The following SDK1 variants were observed in gnomAD, a reference collection of about 807,000 sequenced individuals.
The protein encoded by SDK1 is sidekick cell adhesion molecule 1.
Under a neutral mutation model 245.5 loss-of-function variants are expected in SDK1, and 157 were observed. The ratio of observed to expected loss-of-function variants is 0.64; its 90% confidence interval spans 0.56 to 0.73. SDK1 has a LOEUF of 0.73. Ranked by LOEUF, SDK1 falls within the 30% of genes least tolerant of loss-of-function variation. The pLI, the probability that SDK1 is intolerant of heterozygous loss-of-function variation, is 0.00. For synonymous variants in SDK1, 1,647 were observed against 1,278.5 expected, an observed-to-expected ratio of 1.29 and a Z score of -6.15; for missense variants, 3,583 against 3,002.3, an observed-to-expected ratio of 1.19 and a Z score of -4.52.
chr7:3,423,206 A>G (rs972063066), intron 1 of SDK1, among the ~76,000 whole-genome samples: 4 of 152,236 alleles, frequency 2.6e-5, no homozygotes, highest in Non-Finnish European at 5.9e-5. Context: ...AATGATTACA[A>G]CAATTTACGT....
chr7:3,777,338 A>G (rs2059125701), intron 4 of SDK1, among the ~76,000 whole-genome samples: 1 of 152,190 alleles, frequency 6.6e-6, no homozygotes, highest in African/African-American at 2.4e-5. Context: ...CCTTTTTCCA[A>G]ATAGTTGCAT....
chr7:3,779,938 C>CAAAAAAA (rs34979965), intron 4 of SDK1, among the ~76,000 whole-genome samples: 1 of 46,668 alleles, frequency 2.1e-5, no homozygotes, highest in Non-Finnish European at 4.9e-5. Flanking sequence ...GACTCCGTCT[C>CAAAAAAA]AAAAAAAAAA....
chr7:4,101,673 C>G (rs1431685722), intron 22 of SDK1, among the ~76,000 whole-genome samples: 2 of 152,144 alleles, frequency 1.3e-5, no homozygotes, highest in Non-Finnish European at 2.9e-5. Context: ...ACAGGCGGAG[C>G]CCGTCTTGGG....
intron 4 of SDK1, among the ~76,000 whole-genome samples, chr7:3,760,890 G>A (rs140596486): frequency 1.6e-4 from 25 of 152,248 alleles, no homozygotes; most frequent in Non-Finnish European, 3.1e-4. Flanking sequence ...TCCTTTTAAC[G>A]CTGAGTAGTG....
intron 35 of SDK1, among the ~76,000 whole-genome samples, chr7:4,204,998 G>C (rs57279059): frequency 4.9e-5 from 6 of 123,378 alleles, no homozygotes; most frequent in African/African-American, 6.8e-5. Flanking sequence ...CCTAATGGCG[G>C]TGTGGTAAGG....
chr7:3,914,918 A>C (rs1275981454), intron 5 of SDK1, among the ~76,000 whole-genome samples: 3 of 152,252 alleles, frequency 2.0e-5, no homozygotes, highest in African/African-American at 7.2e-5. Context: ...ATGTGTCTTA[A>C]GTGACGGGCA....
chr7:4,158,695 G>T (rs1354313223), intron 31 of SDK1, 144 bp downstream of exon 31: 2 of 618,190 alleles, frequency 3.2e-6, no homozygotes, highest in Non-Finnish European at 5.8e-6. Context: ...CAGACAGCTC[G>T]GAGGGTTTCC....
At chr7:4,164,650 G>A (rs1339121332) in intron 32 of SDK1, among the ~76,000 whole-genome samples, 1 of 152,224 alleles carries the variant, frequency 6.6e-6, no homozygotes, top group Admixed American at 6.5e-5. Flanking sequence ...AAGGCAGTGA[G>A]CATCAGGGCT....
intron 28 of SDK1, 148 bp downstream of exon 28, chr7:4,132,571 C>G (rs996503535): frequency 5.0e-6 from 3 of 596,204 alleles, no homozygotes; most frequent in South Asian, 3.8e-5. Context: ...AGAAAAAATT[C>G]AGACTATTAG....
In SDK1 at chr7:3,958,892, C is replaced by T. The variant is rs773920340; in HGVS notation, c.1151-39C>T. On this transcript the variant is annotated intron_variant, in intron 7 of 44. Transcript: ENST00000404826. The stretch of plus-strand genomic sequence containing the variant: ...GTTATATGGTCTCTGACATATCCTT[C>T]TTTGGCTTAGGGGCTTTTTTTTATT... The T allele has an allele frequency of 3.6e-5, 54 of 1,520,932 alleles. No individual in the cohort carries two copies. In the South Asian group the frequency reaches 5.7e-4, roughly 16 times the overall value. 94.2% of individuals were successfully genotyped at this position (1,520,932 alleles called of 1,614,324 possible). A position where few individuals can be genotyped will look rare whatever the true frequency, so the allele number is the denominator to read the frequency against.
chr7:3,900,352 G>T (rs1008563513), intron 5 of SDK1, among the ~76,000 whole-genome samples: 8 of 152,164 alleles, frequency 5.3e-5, no homozygotes, highest in Non-Finnish European at 1.2e-4. Flanking sequence ...AATTTCTCTT[G>T]CATCGTTCAT....
chr7:3,896,148 A>G (rs2128103660), intron 5 of SDK1, among the ~76,000 whole-genome samples: 1 of 152,060 alleles, frequency 6.6e-6, no homozygotes, highest in East Asian at 1.9e-4. Flanking sequence ...TTTTAAAGAC[A>G]TTTTAAAAAA....
intron 4 of SDK1, among the ~76,000 whole-genome samples, chr7:3,795,872 C>A (rs1281047337): frequency 1.3e-5 from 2 of 152,124 alleles, no homozygotes; most frequent in Admixed American, 6.5e-5. Context: ...AGAATAATAT[C>A]AGAGAGGGCA....
At chr7:3,865,648 A>G (rs1381605608) in intron 5 of SDK1, among the ~76,000 whole-genome samples, 1 of 151,354 alleles carries the variant, frequency 6.6e-6, no homozygotes, top group Non-Finnish European at 1.5e-5. Context: ...AACTGGGACT[A>G]CAGGTGTGTA....
chr7:3,614,182 G>A (rs1010756925), intron 1 of SDK1, among the ~76,000 whole-genome samples: 2 of 152,088 alleles, frequency 1.3e-5, no homozygotes, highest in African/African-American at 4.8e-5. Flanking sequence ...CCTGTCCTTT[G>A]GGCAGACCTT....
chr7:4,169,893 G>A (rs1375153404), intron 32 of SDK1, among the ~76,000 whole-genome samples: 3 of 152,084 alleles, frequency 2.0e-5, no homozygotes, highest in Non-Finnish European at 4.4e-5. Flanking sequence ...GGACAGATGC[G>A]CTGTATTCTT....
Position 3,637,802 on chromosome 7 carries a change from G to A in SDK1, c.459-1202G>A, listed in dbSNP as rs557782647. Among the ~76,000 whole-genome samples, 9 of 152,370 alleles carry A rather than the reference G, an allele frequency of 5.9e-5. No individual in the cohort carries two copies. The South Asian group carries it at 1.4e-3, about 25-fold the overall frequency. The stretch of plus-strand genomic sequence containing the variant: ...TTTTAAAGTTAACATCAGGGAATAC[G>A]TGGAGAAGTAAGGAAAGGAAGTGAA... On this transcript the variant is annotated intron_variant, in intron 2 of 44. Transcript: ENST00000404826.
At chr7:3,843,821 T>C (rs534567273) in intron 5 of SDK1, among the ~76,000 whole-genome samples, 1 of 152,310 alleles carries the variant, frequency 6.6e-6, no homozygotes, top group African/African-American at 2.4e-5. Flanking sequence ...TCTAAACTTT[T>C]GTTTGATGAG....
At chr7:3,308,174 T>C (rs1408987559) in intron 1 of SDK1, among the ~76,000 whole-genome samples, 2 of 152,086 alleles carry the variant, frequency 1.3e-5, no homozygotes, top group African/African-American at 2.4e-5. Context: ...TTTGGAGAAA[T>C]AAATTTTCTT....
Sources: allele counts gnomAD v4.1 joint callset (sites outside exome capture counted in the v4.1 genomes callset), GRCh38; gene constraint gnomAD v4.1.1; transcripts MANE v1.5; gene names NCBI Gene and HGNC (gene_info 2026-07-23, HGNC 2026-07-21).